TGFB3: variants seen among roughly 807,000 people sequenced by gnomAD.
The protein encoded by TGFB3 is transforming growth factor beta 3, also known as transforming growth factor beta-3 proprotein.
TGFB3 carries 5 observed loss-of-function variants against 40.1 expected under a neutral mutation model. The ratio of observed to expected loss-of-function variants is 0.12; its 90% CI spans 0.07 to 0.26. The LOEUF is 0.26. TGFB3 is among the 10% of genes least tolerant of loss of function. The probability of loss-of-function intolerance (pLI) is 1.00; values close to 1 mark genes in which losing one functional copy is unlikely to be tolerated. For synonymous variants in TGFB3, 184 were observed against 205.6 expected (o/e 0.89, Z 0.90); for missense variants, 373 against 530.1 (o/e 0.70, Z 2.91).
chr14:75,963,399 C>G lies in TGFB3; in HGVS notation c.843G>C (p.Met281Ile). ...TGTCGAGCCGGTGTGGGGGAATCATCATGAGGATTAGATGAGGGTTGTGGT... is the reference window on the plus strand; with the variant it reads ...TGTCGAGCCGGTGTGGGGGAATCATGATGAGGATTAGATGAGGGTTGTGGT... The part of the protein sequence containing the change: ...KDHHNPHLIL[M>I]MIPPHRLDNP... Residue 281 changes from methionine (M) to isoleucine (I), a missense_variant, in exon 5 of 7, where the codon ATG becomes ATC. Coordinates refer to ENST00000238682, the MANE Select transcript of TGFB3 (RefSeq NM_003239.5). 6.2e-7 allele frequency: 1 copy of G among 1,614,174 alleles called. No individual in the cohort carries two copies. Among genetic ancestry groups the G allele is most frequent in the Non-Finnish European group, 8.5e-7 (1 of 1,180,032 alleles).
intron 1 of TGFB3, among the ~76,000 whole-genome samples, chr14:75,973,099 A>G (rs1421687830): frequency 6.6e-6 from 1 of 152,244 alleles, no homozygotes; most frequent in Non-Finnish European, 1.5e-5. Context: ...TCAAGGTCTG[A>G]GCAGTATTAA....
Position 75,979,102 on chromosome 14 carries a change from G to A in TGFB3, c.352+1440C>T, listed in dbSNP as rs1009452691. Among the ~76,000 whole-genome samples, 1 of 152,020 alleles carries A rather than the reference G, an allele frequency of 6.6e-6. No individual in the cohort carries two copies. Among genetic ancestry groups the A allele is most frequent in the Non-Finnish European group, 1.5e-5 (1 of 68,002 alleles). On this transcript the variant is annotated intron_variant, in intron 1 of 6. Transcript: ENST00000238682. The surrounding 1 kb of genome is among the most constrained non-coding windows in gnomAD (Gnocchi z 4.8). ...GGGCAGGGAGTAGTAGCTCTGCATCGGCCTCCAGCCTCCGCCCCACATGGC... is the reference window on the plus strand; with the variant it reads ...GGGCAGGGAGTAGTAGCTCTGCATCAGCCTCCAGCCTCCGCCCCACATGGC...
chr14:75,976,961 C>T (rs567321757), intron 1 of TGFB3, among the ~76,000 whole-genome samples: 11 of 152,166 alleles, frequency 7.2e-5, no homozygotes, highest in Admixed American at 1.3e-4. Flanking sequence ...ACTCCACCCC[C>T]TCAAGATTCT....
intron 1 of TGFB3, among the ~76,000 whole-genome samples, chr14:75,973,025 A>T (rs2035312170): frequency 6.6e-6 from 1 of 151,888 alleles, no homozygotes; most frequent in Non-Finnish European, 1.5e-5. Context: ...GCTCTTTCCC[A>T]CCCCTCTGAG....
intron 4 of TGFB3, among the ~76,000 whole-genome samples, chr14:75,964,900 G>C (rs963820710): frequency 5.3e-5 from 8 of 152,192 alleles, no homozygotes; most frequent in Admixed American, 2.0e-4. Flanking sequence ...TCCCAGACAA[G>C]CCTCTGACCT....
At chr14:75,970,563 AATAATAATAATAAT>A (rs1301643825) in intron 3 of TGFB3, 8 of 5,336 alleles carry the variant, frequency 1.5e-3, no homozygotes, top group African/African-American at 3.4e-3. Flanking sequence ...AGTCTCAAGA[AATAATAATAATAAT>A]AATAATAATA....
Position 75,978,749 on chromosome 14 carries a change from T to C in TGFB3, c.352+1793A>G, listed in dbSNP as rs1291035246. Among the ~76,000 whole-genome samples the C allele has an allele frequency of 6.6e-6, 1 of 152,212 alleles. No homozygotes were observed. Among genetic ancestry groups the C allele is most frequent in the Non-Finnish European group, 1.5e-5 (1 of 68,044 alleles). On this transcript the variant is annotated intron_variant, in intron 1 of 6. Transcript: ENST00000238682. The surrounding 1 kb of genome is among the most constrained non-coding windows in gnomAD (Gnocchi z 5.0). ...GTGCTTTGAGTCTGCACAAAATCAG[T>C]GTCCACTTGCACCTGCATGGCCTTG... is the stretch of plus-strand genomic sequence containing the variant.
rs1304975316 is a variant in TGFB3 at position 75,959,276 on chromosome 14, C to T, written c.1150G>A (p.Glu384Lys). 1.9e-6 allele frequency: 3 copies of T among 1,614,186 alleles called. No homozygotes were observed. The Admixed American group carries it at 5.0e-5, about 27-fold the overall frequency. ...ASPCCVPQDLEPLTILYYVGR... is the reference protein window; with the variant it reads ...ASPCCVPQDLKPLTILYYVGR... ...ACATAGTACAGGATGGTCAGGGGCT[C>T]CAGGTCCTGGGGCACGCAGCAAGGC... is the stretch of plus-strand genomic sequence containing the variant. The change falls in exon 7 of 7, where the codon GAG (glutamate) becomes AAG (lysine). Residue 384 changes from glutamate (E) to lysine (K), a missense_variant. Coordinates refer to ENST00000238682, the MANE Select transcript of TGFB3 (RefSeq NM_003239.5).
In TGFB3 at chr14:75,981,415, A is replaced by AG. The variant is rs2035431037; in HGVS notation, c.-523dup. On this transcript the variant is annotated 5_prime_UTR_variant, in exon 1 of 7. Coordinates refer to ENST00000238682, the MANE Select transcript of TGFB3 (RefSeq NM_003239.5). This position sits in a 1 kb window ranked among gnomAD's most constrained non-coding sequence, Gnocchi z 4.7. ...ATAAGAAAAGAGAATGGAAAAGAAA[A>AG]GGGAAAAAAAAGTAAAAAAAAAAAG... is the stretch of plus-strand genomic sequence containing the variant. 5.7e-6 allele frequency: 1 copy of AG among 174,628 alleles called. No individual in the cohort carries two copies. The highest frequency in any genetic ancestry group is 1.2e-5 in the Non-Finnish European group (1 of 80,638). 10.8% of individuals were successfully genotyped at this position (174,628 alleles called of 1,614,324 possible).
chr14:75,962,064 C>G (rs759195927), intron 5 of TGFB3, among the ~76,000 whole-genome samples: 28 of 152,160 alleles, frequency 1.8e-4, no homozygotes, highest in Non-Finnish European at 2.6e-4. Flanking sequence ...GCCTGAAGCC[C>G]TAGCAATCAC....
intron 4 of TGFB3, among the ~76,000 whole-genome samples, chr14:75,964,688 T>C (rs2035200934): frequency 6.6e-6 from 1 of 152,192 alleles, no homozygotes; most frequent in African/African-American, 2.4e-5. Context: ...TCTGAAAATC[T>C]TTATGAACAA....
chr14:75,961,155 C>T (rs1170743377), intron 5 of TGFB3, 79 bp from the exon 6 acceptor site: 1 of 1,524,974 alleles, frequency 6.6e-7, no homozygotes, highest in African/African-American at 1.4e-5. Flanking sequence ...CATATTCTCC[C>T]TTGGAGTCCT....
chr14:75,963,580 G>C (rs1050715531), intron 4 of TGFB3, 93 bp from the exon 5 acceptor site: 4 of 1,483,856 alleles, frequency 2.7e-6, no homozygotes, highest in African/African-American at 1.4e-5. Flanking sequence ...CTGCCCAGGA[G>C]GAGGGGCAGT....
chr14:75,974,565 T>C (rs1344578220), intron 1 of TGFB3, among the ~76,000 whole-genome samples: 1 of 151,218 alleles, frequency 6.6e-6, no homozygotes, highest in Non-Finnish European at 1.5e-5. Flanking sequence ...TAAAAAAGAA[T>C]TGGCACCTGG....
chr14:75,962,977 C>G (rs1213525573), intron 5 of TGFB3: 1 of 429,108 alleles, frequency 2.3e-6, no homozygotes, highest in East Asian at 5.2e-5. Flanking sequence ...CACACATACA[C>G]TCTACAAGTG....
chr14:75,968,580 A>C (rs1337296789), intron 3 of TGFB3, among the ~76,000 whole-genome samples: 3 of 151,554 alleles, frequency 2.0e-5, no homozygotes, highest in African/African-American at 7.3e-5. Context: ...AAAATCAGAC[A>C]GGGAAGTTAA....
At chr14:75,970,627 G>GC (rs1336150346) in intron 3 of TGFB3, 2 of 147,078 alleles carry the variant, frequency 1.4e-5, no homozygotes, top group Non-Finnish European at 3.0e-5. Flanking sequence ...AAATTATATG[G>GC]CCCCAGCAAC....
At chr14:75,961,437 T>A (rs3917210) in intron 5 of TGFB3, among the ~76,000 whole-genome samples, 116,777 of 152,152 alleles carry the variant, frequency 0.77, 44,914 homozygotes, top group Admixed American at 0.83. Context: ...GGTTTTATTT[T>A]TACCCTCCTA....
chr14:75,971,841 T>G lies in TGFB3; in HGVS notation c.353-123A>C. 1 of 1,036,022 alleles carries G rather than the reference T, an allele frequency of 9.7e-7. No individual in the cohort carries two copies. The highest frequency in any genetic ancestry group is 1.4e-6 in the Non-Finnish European group (1 of 690,506). The allele number at this position is 1,036,022 out of a possible 1,614,324, so 64.2% of individuals were successfully genotyped here. On this transcript the variant is annotated intron_variant, in intron 1 of 6. Transcript: ENST00000238682. The surrounding 1 kb of genome is among the most constrained non-coding windows in gnomAD (Gnocchi z 4.5). ...GCCACCTCCCTAGAGGCTTGAGGCC[T>G]CAGACCGCAAGGTGGAGATACGAGG... is the stretch of plus-strand genomic sequence containing the variant.
Sources: gnomAD v4.1 joint callset for allele counts (sites outside exome capture counted in the v4.1 genomes callset) on GRCh38, gnomAD v4.1.1 for gene constraint, Gnocchi (gnomAD v3.1) non-coding constraint, MANE v1.5 for transcripts, NCBI Gene and HGNC (gene_info 2026-07-23, HGNC 2026-07-21) for gene names.